Variants in RASGRF1 observed in about 807,000 individuals in gnomAD.
RASGRF1 encodes the protein ras-specific guanine nucleotide-releasing factor 1.
Under a neutral mutation model 138.7 loss-of-function variants are expected in RASGRF1, and 40 were observed. The observed-to-expected ratio is 0.29, with a 90% CI of 0.22 to 0.38. The LOEUF (loss-of-function observed/expected upper bound fraction) is 0.38. Among genes scored for constraint, RASGRF1 ranks in the 10% least tolerant of loss-of-function variants. The pLI is 1.00. For missense variants in RASGRF1, 1,108 were observed against 1,650.4 expected (o/e 0.67, Z 5.69); for synonymous variants, 614 against 663.2 (o/e 0.93, Z 1.14).
intron 26 of RASGRF1, among the ~76,000 whole-genome samples, chr15:78,967,149 G>A (rs1472557154): frequency 6.6e-6 from 1 of 152,060 alleles, no homozygotes; most frequent in Admixed American, 6.6e-5. Context: ...TTAGCTGGGT[G>A]TGGTCATACC....
chr15:79,080,680 AAAAG>A (rs1363101512), intron 1 of RASGRF1, among the ~76,000 whole-genome samples: 2 of 152,228 alleles, frequency 1.3e-5, no homozygotes, highest in African/African-American at 4.8e-5. Context: ...TTTGAAAAAA[AAAAG>A]AAAGCTCAAC....
intron 3 of RASGRF1, among the ~76,000 whole-genome samples, chr15:79,055,329 A>G (rs1271299233): frequency 6.6e-6 from 1 of 151,748 alleles, no homozygotes; most frequent in East Asian, 1.9e-4. Flanking sequence ...GCCAGCAACT[A>G]CCCTCTGACC....
At chr15:79,061,787 G>C (rs1474162611) in intron 2 of RASGRF1, among the ~76,000 whole-genome samples, 1 of 152,194 alleles carries the variant, frequency 6.6e-6, no homozygotes, top group Non-Finnish European at 1.5e-5. Context: ...ATACCAAGGT[G>C]ACTTTAGACA....
Position 79,056,641 on chromosome 15 carries a change from T to C in RASGRF1, c.531+1693A>G, listed in dbSNP as rs920400792. 7.2e-5 allele frequency among the ~76,000 whole-genome samples: 11 copies of C among 152,150 alleles called. 1 individual carries two copies. The highest frequency in any genetic ancestry group is 5.9e-4 in the Admixed American group (9 of 15,280). ...ATCCTATCAGGATGGTTGTGGGGAA[T>C]GAAAGTATGTCGTGAAGGTGCCTGT... On this transcript the variant is annotated intron_variant, in intron 3 of 26. Transcript: ENST00000558480.
At chr15:79,059,562 T>A (rs2057568880) in intron 2 of RASGRF1, among the ~76,000 whole-genome samples, 1 of 152,188 alleles carries the variant, frequency 6.6e-6, no homozygotes, top group Non-Finnish European at 1.5e-5. Context: ...ATGAAGAAAC[T>A]GAGGTCCAAA....
chr15:79,045,265 G>A (rs1000037714), intron 5 of RASGRF1, among the ~76,000 whole-genome samples: 1 of 152,144 alleles, frequency 6.6e-6, no homozygotes, highest in African/African-American at 2.4e-5. Flanking sequence ...GCTTGTGTTT[G>A]AGAATATGTG....
At chr15:79,014,073 A>AT (rs1469534625) in intron 13 of RASGRF1, among the ~76,000 whole-genome samples, 82 of 152,322 alleles carry the variant, frequency 5.4e-4, no homozygotes, top group Non-Finnish European at 9.3e-4. Context: ...TAATAAAAAA[A>AT]ATTTTTAAAA....
intron 13 of RASGRF1, among the ~76,000 whole-genome samples, chr15:79,014,467 T>C (rs552163183): frequency 6.6e-6 from 1 of 152,234 alleles, no homozygotes; most frequent in Non-Finnish European, 1.5e-5. Context: ...GAGACTATTA[T>C]TCTAAGTGAA....
intron 23 of RASGRF1, among the ~76,000 whole-genome samples, chr15:78,983,694 G>C (rs1223377352): frequency 6.6e-6 from 1 of 152,260 alleles, no homozygotes; most frequent in Non-Finnish European, 1.5e-5. Context: ...GTGACTTGGA[G>C]GTTTTGCAGA....
At chr15:79,080,133 T>A (rs1002285253) in intron 1 of RASGRF1, among the ~76,000 whole-genome samples, 1 of 139,086 alleles carries the variant, frequency 7.2e-6, no homozygotes, top group South Asian at 2.2e-4. Context: ...GCAATGACTA[T>A]CTCATAACTA....
At chr15:79,047,023 G>A (rs926707343) in intron 4 of RASGRF1, 24 bp from the exon 5 acceptor site, 4 of 1,601,248 alleles carry the variant, frequency 2.5e-6, no homozygotes, top group South Asian at 2.2e-5. Flanking sequence ...CCGGTGGGGA[G>A]AGGCTCCTGT....
intron 2 of RASGRF1, among the ~76,000 whole-genome samples, chr15:79,062,807 G>T (rs944914886): frequency 6.6e-6 from 1 of 152,056 alleles, no homozygotes; most frequent in Non-Finnish European, 1.5e-5. Context: ...GCCTCCTAAA[G>T]GGTTGGGATT....
Position 78,989,434 on chromosome 15 carries a change from C to T in RASGRF1, c.3216+755G>A, listed in dbSNP as rs28513164. Reference sequence around the variant, plus strand: ...GAGATTCAGGAGCCTTAGTCTCGCCCAGCACTGTGGCCTCCTAACATTAAA... The same window carrying T: ...GAGATTCAGGAGCCTTAGTCTCGCCTAGCACTGTGGCCTCCTAACATTAAA... On this transcript the variant is annotated intron_variant, in intron 22 of 26. Coordinates refer to ENST00000558480, the MANE Select transcript of RASGRF1 (RefSeq NM_001145648.3). Among the ~76,000 whole-genome samples, 1,039 of 150,048 alleles carry T rather than the reference C, an allele frequency of 6.9e-3. 3 individuals carry two copies. The highest frequency in any genetic ancestry group is 9.3e-3 in the Non-Finnish European group (623 of 66,634).
intron 22 of RASGRF1, chr15:78,985,474 G>C: frequency 2.8e-6 from 1 of 360,610 alleles, no homozygotes; most frequent in Non-Finnish European, 5.1e-6. Flanking sequence ...AAATACCTAG[G>C]AACTTAATGA....
chr15:78,962,606 G>A (rs75001121), intron 26 of RASGRF1, among the ~76,000 whole-genome samples: 6,547 of 152,266 alleles, frequency 0.043, 205 homozygotes, highest in Non-Finnish European at 0.071. Flanking sequence ...CATAAGGCTG[G>A]GCGTGGTGGC....
Position 78,973,178 on chromosome 15 carries a change from G to A in RASGRF1, c.3612+125C>T. 1.4e-6 allele frequency: 1 copy of A among 712,222 alleles called. No individual in the cohort carries two copies. Among genetic ancestry groups the A allele is most frequent in the South Asian group, 1.8e-5 (1 of 54,452 alleles). The allele number at this position is 712,222 out of a possible 1,614,324, so 44.1% of individuals were successfully genotyped here. ...GCTGTCATTGGGGAAGCTGGACCCA[G>A]GCTCCCAAATGGGGGCACCCTATGC... On this transcript the variant is annotated intron_variant, in intron 25 of 26. Coordinates refer to ENST00000558480, the MANE Select transcript of RASGRF1 (RefSeq NM_001145648.3). This position sits in a 1 kb window ranked among gnomAD's most constrained non-coding sequence, Gnocchi z 4.9.
At chr15:79,055,400 A>G (rs2057497540) in intron 3 of RASGRF1, among the ~76,000 whole-genome samples, 1 of 152,054 alleles carries the variant, frequency 6.6e-6, no homozygotes, top group Non-Finnish European at 1.5e-5. Context: ...CAGAGAGAGA[A>G]ACAGAGAGAG....
chr15:79,022,418 T>G (rs1014559627), intron 10 of RASGRF1, among the ~76,000 whole-genome samples: 4 of 151,668 alleles, frequency 2.6e-5, no homozygotes, highest in African/African-American at 9.7e-5. Context: ...CCAGCCTGGG[T>G]GACAAGAGCG....
Position 78,971,931 on chromosome 15 carries a change from A to T in RASGRF1, c.3616T>A (p.Ser1206Thr), listed in dbSNP as rs745831553. 6 of 1,578,596 alleles carry T rather than the reference A, an allele frequency of 3.8e-6. No homozygotes were observed. In the East Asian group the frequency reaches 1.3e-4, roughly 35 times the overall value. Residue 1206 changes from serine to threonine, a missense_variant, in exon 26 of 27, where the codon TCC becomes ACC. Around this residue, in one of 3 missense-constraint regions of RASGRF1, gnomAD observed 686 missense variants for 976.7 expected, o/e 0.70. Transcript: ENST00000558480. Reference protein sequence around the residue: ...LVNFSKMRMISHIIREIRQFQ... With the variant: ...LVNFSKMRMITHIIREIRQFQ... The stretch of plus-strand genomic sequence containing the variant: ...TGGCGAATCTCTCGGATAATATGGG[A>T]TATCTGTGGGAAGGAAGGAGTGTTT...
Sources: allele counts gnomAD v4.1 joint callset (sites outside exome capture counted in the v4.1 genomes callset), GRCh38; gene constraint gnomAD v4.1.1; regional missense constraint gnomAD v4.1.1; non-coding constraint Gnocchi (gnomAD v3.1); transcripts MANE v1.5; gene names NCBI Gene and HGNC (gene_info 2026-07-23, HGNC 2026-07-21).